The following RABGAP1L variants were observed in gnomAD, a reference collection of about 807,000 sequenced individuals.
RABGAP1L encodes the protein RAB GTPase activating protein 1 like.
RABGAP1L carries 63 observed loss-of-function variants against 137.7 expected under a neutral mutation model. The ratio of observed to expected loss-of-function variants is 0.46; its 90% CI spans 0.37 to 0.56. RABGAP1L has a LOEUF of 0.56. Ranked by LOEUF, RABGAP1L falls within the 20% of genes least tolerant of loss-of-function variation. The pLI, the probability that RABGAP1L is intolerant of heterozygous loss-of-function variation, is 0.00. For missense variants in RABGAP1L, 1,095 were observed against 1,244.0 expected, an observed-to-expected ratio of 0.88 and a Z score of 1.80; for synonymous variants, 431 against 433.7, an observed-to-expected ratio of 0.99 and a Z score of 0.08.
intron 13 of RABGAP1L, among the ~76,000 whole-genome samples, chr1:174,606,802 T>C (rs1015700517): frequency 1.3e-5 from 2 of 152,252 alleles, no homozygotes; most frequent in African/African-American, 4.8e-5. Context: ...CAGATTTTTC[T>C]GATTCTATTC....
chr1:174,701,274 A>T, intron 16 of RABGAP1L: 1 of 1,150,706 alleles, frequency 8.7e-7, no homozygotes, highest in Non-Finnish European at 1.1e-6. Context: ...TTTATATATT[A>T]TACCTTTGCA....
At chr1:174,782,044 T>C (rs1485917483) in intron 18 of RABGAP1L, among the ~76,000 whole-genome samples, 1 of 152,230 alleles carries the variant, frequency 6.6e-6, no homozygotes, top group African/African-American at 2.4e-5. Flanking sequence ...GACTTGGCGA[T>C]GCGGGCTCTT....
chr1:174,224,566 A>G (rs1312235180), intron 3 of RABGAP1L, among the ~76,000 whole-genome samples: 2 of 152,154 alleles, frequency 1.3e-5, no homozygotes, highest in African/African-American at 2.4e-5. Context: ...TAATTGGTTA[A>G]TTTCACCTAA....
chr1:174,464,611 T>A (rs1657086921), intron 13 of RABGAP1L, among the ~76,000 whole-genome samples: 1 of 152,132 alleles, frequency 6.6e-6, no homozygotes, highest in East Asian at 1.9e-4. Context: ...ATATTTCCAC[T>A]TTATAGCCCT....
intron 19 of RABGAP1L, among the ~76,000 whole-genome samples, chr1:174,818,075 C>A (rs910080069): frequency 2.6e-5 from 4 of 152,054 alleles, no homozygotes; most frequent in Non-Finnish European, 5.9e-5. Flanking sequence ...TATAAATATC[C>A]AATAGGCAGG....
intron 11 of RABGAP1L, among the ~76,000 whole-genome samples, chr1:174,307,553 A>C (rs1305547471): frequency 6.6e-6 from 1 of 152,162 alleles, no homozygotes; most frequent in African/African-American, 2.4e-5. Flanking sequence ...GGAATCATAC[A>C]AAATGTGACT....
chr1:174,610,928 T>C (rs569588610), intron 13 of RABGAP1L, among the ~76,000 whole-genome samples: 1 of 152,008 alleles, frequency 6.6e-6, no homozygotes, highest in East Asian at 1.9e-4. Flanking sequence ...TAAATTTGTT[T>C]GAGTTCATTG....
chr1:174,603,040 TA>T (rs1670531706), intron 13 of RABGAP1L, among the ~76,000 whole-genome samples: 2 of 152,036 alleles, frequency 1.3e-5, no homozygotes, highest in Admixed American at 1.3e-4. Context: ...AAGAGTTAGG[TA>T]TTTGTTTTAT....
At chr1:174,600,067 G>A (rs545194697) in intron 13 of RABGAP1L, among the ~76,000 whole-genome samples, 1 of 152,142 alleles carries the variant, frequency 6.6e-6, no homozygotes, top group South Asian at 2.1e-4. Context: ...TCAGAATCAT[G>A]GTGGGAGACG....
chr1:174,346,082 C>G (rs80075076), intron 11 of RABGAP1L, among the ~76,000 whole-genome samples: 1,755 of 152,146 alleles, frequency 0.012, 23 homozygotes, highest in African/African-American at 0.04. Context: ...ACTTTTATCT[C>G]GAGGATAAAT....
chr1:174,835,872 G>C (rs1202610655), intron 19 of RABGAP1L, among the ~76,000 whole-genome samples: 1 of 152,116 alleles, frequency 6.6e-6, no homozygotes, highest in Non-Finnish European at 1.5e-5. Flanking sequence ...TCCTTATGCA[G>C]CTTTCATGCT....
At position 174,394,455 on chromosome 1, in the gene RABGAP1L, T is replaced by A. The variant is rs186872690; in HGVS notation, c.1710+310T>A. Among the ~76,000 whole-genome samples, 1,440 of 152,316 alleles carry A rather than the reference T, an allele frequency of 9.5e-3. 9 individuals carry two copies. Among genetic ancestry groups the A allele is most frequent in the Non-Finnish European group, 0.013 (861 of 68,020 alleles). Reference sequence around the variant, plus strand: ...TTTCAATTAACCTTTTTTAATTGTATGAGATTTATATAGTTATAATCATAC... The same window carrying A: ...TTTCAATTAACCTTTTTTAATTGTAAGAGATTTATATAGTTATAATCATAC... On this transcript the variant is annotated intron_variant, in intron 13 of 25. Coordinates refer to ENST00000681986, the MANE Select transcript of RABGAP1L (RefSeq NM_001366446.1).
At chr1:174,842,259 A>G (rs1285047248) in intron 19 of RABGAP1L, among the ~76,000 whole-genome samples, 2 of 152,136 alleles carry the variant, frequency 1.3e-5, no homozygotes, top group Non-Finnish European at 1.5e-5. Context: ...TTCCAGGGGC[A>G]TCTCTGGGAA....
At chr1:174,174,138 C>T (rs1665632401) in intron 1 of RABGAP1L, among the ~76,000 whole-genome samples, 1 of 151,478 alleles carries the variant, frequency 6.6e-6, no homozygotes, top group Non-Finnish European at 1.5e-5. Flanking sequence ...AATAAACATA[C>T]TGATAACAAG....
intron 13 of RABGAP1L, among the ~76,000 whole-genome samples, chr1:174,570,688 A>T (rs925469730): frequency 6.6e-6 from 1 of 152,196 alleles, no homozygotes; most frequent in African/African-American, 2.4e-5. Flanking sequence ...AAATTATAAA[A>T]AATAAATAAA....
chr1:174,883,506 A>G (rs1258124344), intron 19 of RABGAP1L, among the ~76,000 whole-genome samples: 1 of 152,208 alleles, frequency 6.6e-6, no homozygotes, highest in African/African-American at 2.4e-5. Context: ...CACTATCAGG[A>G]TACCAGTCCT....
chr1:174,622,800 C>T (rs1022489297), intron 13 of RABGAP1L, among the ~76,000 whole-genome samples: 1 of 152,178 alleles, frequency 6.6e-6, no homozygotes, highest in Non-Finnish European at 1.5e-5. Flanking sequence ...CACATGTATA[C>T]ATATGTAACT....
At chr1:174,376,546 T>TA (rs1448599569) in intron 12 of RABGAP1L, among the ~76,000 whole-genome samples, 1 of 152,094 alleles carries the variant, frequency 6.6e-6, no homozygotes, top group Non-Finnish European at 1.5e-5. Flanking sequence ...CATTTGAAAA[T>TA]AAATCAGTGT....
rs1480232184 is a variant in RABGAP1L at position 174,681,965 on chromosome 1, A to G, written c.1825-1557A>G. On this transcript the variant is annotated intron_variant, in intron 14 of 25. Coordinates refer to ENST00000681986, the MANE Select transcript of RABGAP1L (RefSeq NM_001366446.1). The stretch of plus-strand genomic sequence containing the variant: ...GATACATATCCTGGATTTCAGTAGT[A>G]TTCTTTGAGAGTCTTTTAAAAATAT... Among the ~76,000 whole-genome samples, 3 of 152,292 alleles carry G rather than the reference A, an allele frequency of 2.0e-5. No individual in the cohort carries two copies. In the East Asian group the frequency reaches 5.8e-4, roughly 29 times the overall value.
Sources: allele counts gnomAD v4.1 joint callset (sites outside exome capture counted in the v4.1 genomes callset), GRCh38; gene constraint gnomAD v4.1.1; transcripts MANE v1.5; gene names NCBI Gene and HGNC (gene_info 2026-07-23, HGNC 2026-07-21).